The following RAP1GAP variants were observed in gnomAD, a reference collection of about 807,000 sequenced individuals.
The protein encoded by RAP1GAP is rap1 GTPase-activating protein 1.
RAP1GAP carries 35 observed loss-of-function variants against 87.2 expected under a neutral mutation model. The ratio of observed to expected loss-of-function variants is 0.40; its 90% CI spans 0.31 to 0.53. The LOEUF (loss-of-function observed/expected upper bound fraction) is 0.53. RAP1GAP is among the 20% of genes least tolerant of loss of function. RAP1GAP has a pLI of 0.48. For synonymous variants in RAP1GAP, 375 were observed against 363.9 expected (o/e 1.03, Z -0.35); for missense variants, 734 against 898.9 (o/e 0.82, Z 2.35).
chr1:21,618,009 G>C (rs982146279), intron 5 of RAP1GAP, 37 bp from the exon 6 acceptor site: 3 of 1,613,774 alleles, frequency 1.9e-6, no homozygotes, highest in Non-Finnish European at 2.5e-6. Context: ...CTCTCCATCT[G>C]TCCATCCTCC....
chr1:21,619,920 A>C lies in RAP1GAP; in HGVS notation c.18+95T>G, dbSNP rs2085604717. On this transcript the variant is annotated intron_variant, in intron 4 of 24. Coordinates refer to ENST00000374765, the MANE Select transcript of RAP1GAP (RefSeq NM_002885.4). ...TCTTCTACTGGCGTGGCCTGTCCTC[A>C]GGGAGGTGAAGGGCTGGAGATGCAG... is the stretch of plus-strand genomic sequence containing the variant. 5.9e-6 allele frequency: 8 copies of C among 1,356,226 alleles called. No homozygotes were observed. In the South Asian group the frequency reaches 8.3e-5, roughly 14 times the overall value. The allele number at this position is 1,356,226 out of a possible 1,614,324, so 84.0% of individuals were successfully genotyped here.
At chr1:21,623,942 G>A (rs748702467) in intron 3 of RAP1GAP, among the ~76,000 whole-genome samples, 3 of 152,208 alleles carry the variant, frequency 2.0e-5, no homozygotes, top group Non-Finnish European at 4.4e-5. Context: ...CTCCACGACC[G>A]GATGTGGCTG....
intron 2 of RAP1GAP, among the ~76,000 whole-genome samples, chr1:21,646,675 C>T (rs961618603): frequency 2.6e-5 from 4 of 152,238 alleles, no homozygotes; most frequent in African/African-American, 9.6e-5. Context: ...CACAAGTCCA[C>T]TTGACCATTC....
At chr1:21,608,503 G>A (rs1481107147) in intron 16 of RAP1GAP, among the ~76,000 whole-genome samples, 153 bp from the exon 17 acceptor site, 2 of 150,766 alleles carry the variant, frequency 1.3e-5, no homozygotes, top group Non-Finnish European at 3.0e-5. Flanking sequence ...CCTTCCCCCA[G>A]GCCACTCCAC....
chr1:21,604,274 G>A (rs1023372212), intron 18 of RAP1GAP, among the ~76,000 whole-genome samples: 5 of 151,952 alleles, frequency 3.3e-5, no homozygotes, highest in Non-Finnish European at 7.4e-5. Flanking sequence ...GACAGAGAAG[G>A]AAGCCAGGGG....
intron 4 of RAP1GAP, among the ~76,000 whole-genome samples, chr1:21,619,752 T>C (rs1015478358): frequency 1.7e-4 from 26 of 151,914 alleles, no homozygotes; most frequent in African/African-American, 4.3e-4. Context: ...GTGGGGTGGG[T>C]TGATGAACTG....
intron 10 of RAP1GAP, among the ~76,000 whole-genome samples, chr1:21,612,639 C>T (rs2079104843): frequency 6.6e-6 from 1 of 152,212 alleles, no homozygotes; most frequent in South Asian, 2.1e-4. Flanking sequence ...CCACCTCACA[C>T]TGCTCCAGAA....
intron 1 of RAP1GAP, among the ~76,000 whole-genome samples, chr1:21,653,594 C>CCTTCTTTCCTTCCTT (rs1558897559): frequency 2.5e-5 from 2 of 81,088 alleles, no homozygotes; most frequent in Non-Finnish European, 2.9e-5. Flanking sequence ...CTTCCTTCCT[C>CCTTCTTTCCTTCCTT]CCTCCCTCCC....
intron 18 of RAP1GAP, among the ~76,000 whole-genome samples, chr1:21,605,799 C>T (rs766199370): frequency 5.9e-5 from 9 of 152,274 alleles, no homozygotes; most frequent in African/African-American, 2.2e-4. Context: ...GGAAGTCACA[C>T]CTCAATGCAT....
In RAP1GAP at chr1:21,596,831, A is replaced by C. The variant is rs1645396307; in HGVS notation, c.*468T>G. On this transcript the variant is annotated 3_prime_UTR_variant, in exon 25 of 25. Coordinates refer to ENST00000374765, the MANE Select transcript of RAP1GAP (RefSeq NM_002885.4). ...AGTCACACAGCAGAACCCAAATTGG[A>C]AACCAGGACCCGGCTCCCAACCCAG... is the stretch of plus-strand genomic sequence containing the variant. 6.6e-6 allele frequency: 1 copy of C among 152,342 alleles called. No homozygotes were observed. The highest frequency in any genetic ancestry group is 1.5e-5 in the Non-Finnish European group (1 of 68,152). 9.4% of individuals were successfully genotyped at this position (152,342 alleles called of 1,614,324 possible).
At chr1:21,625,125 C>A (rs531881059) in intron 3 of RAP1GAP, among the ~76,000 whole-genome samples, 11 of 152,340 alleles carry the variant, frequency 7.2e-5, no homozygotes, top group Non-Finnish European at 1.2e-4. Flanking sequence ...CTGCTCCCAG[C>A]AGCCCCACGT....
chr1:21,631,740 C>T (rs1317042494), intron 2 of RAP1GAP, among the ~76,000 whole-genome samples: 1 of 152,160 alleles, frequency 6.6e-6, no homozygotes, highest in Non-Finnish European at 1.5e-5. Flanking sequence ...GAGATATAAA[C>T]CTTTTTTCCA....
rs1426596270 is a variant in RAP1GAP at position 21,599,506 on chromosome 1, C to T, written c.1764G>A (p.Glu588=). 4 of 1,609,078 alleles carry T rather than the reference C, an allele frequency of 2.5e-6. No individual in the cohort carries two copies. The highest frequency in any genetic ancestry group is 8.5e-7 in the Non-Finnish European group (1 of 1,179,922). ...CTGAGCCTCTCACCAGGCCTGTGTC[C>T]TCTCCGTCCACACCCTCCGTCTCCT... is the stretch of plus-strand genomic sequence containing the variant. ...VVEETEGVDG[E]DTGLESVSSS... Residue 588 remains glutamate, a synonymous_variant, in exon 21 of 25, where the codon GAG becomes GAA. Coordinates refer to ENST00000374765, the MANE Select transcript of RAP1GAP (RefSeq NM_002885.4).
chr1:21,648,913 G>A (rs143076287), intron 2 of RAP1GAP, among the ~76,000 whole-genome samples: 1 of 152,194 alleles, frequency 6.6e-6, no homozygotes, highest in East Asian at 1.9e-4. Context: ...CTGCGGGGAC[G>A]ATGGTGCCAG....
chr1:21,608,312 C>A lies in RAP1GAP; in HGVS notation c.1197G>T (p.Glu399Asp). The A allele has an allele frequency of 6.2e-7, 1 of 1,613,938 alleles. No individual in the cohort carries two copies. The highest frequency in any genetic ancestry group is 8.5e-7 in the Non-Finnish European group (1 of 1,179,934). The change falls in exon 17 of 25, where the codon GAG (glutamate) becomes GAT (aspartate). Residue 399 changes from glutamate to aspartate, a missense_variant. Transcript: ENST00000374765. Reference sequence around the variant, plus strand: ...TGGACTGGCTGTGGATGTGTAGTTCCTCATAGAGCGTCTCCAGGAGGGCGG... The same window carrying A: ...TGGACTGGCTGTGGATGTGTAGTTCATCATAGAGCGTCTCCAGGAGGGCGG... ...TRAALLETLY[E>D]ELHIHSQSMM...
At position 21,599,609 on chromosome 1, in the gene RAP1GAP, G is replaced by A. The variant is rs1281842900; in HGVS notation, c.1661C>T (p.Thr554Ile). The A allele has an allele frequency of 1.9e-6, 3 of 1,605,526 alleles. No individual in the cohort carries two copies. The highest frequency in any genetic ancestry group is 2.7e-5 in the African/African-American group (2 of 74,886). Residue 554 changes from threonine to isoleucine, a missense_variant, in exon 21 of 25, where the codon ACC (threonine) becomes ATC (isoleucine). Coordinates refer to ENST00000374765, the MANE Select transcript of RAP1GAP (RefSeq NM_002885.4). ...EMPTTKNRAE[T>I]AAQRAEALKD... ...GAGCGCCTCTGCTCTCTGCGCTGCG[G>A]TCTCCGCTCTGCCACAGACAGTGCC...
chr1:21,599,737 G>A lies in RAP1GAP; in HGVS notation c.1653-120C>T, dbSNP rs374825124. On this transcript the variant is annotated intron_variant, in intron 20 of 24. Coordinates refer to ENST00000374765, the MANE Select transcript of RAP1GAP (RefSeq NM_002885.4). ...GCTGGTAGCAGCCAAGCACCTTTGA[G>A]GACCCCTTACAGATCCTTGGGCCTC... 598 of 1,386,718 alleles carry A rather than the reference G, an allele frequency of 4.3e-4. 3 individuals are homozygous for A. In the African/African-American group the frequency reaches 7.5e-3, roughly 17 times the overall value. The allele number at this position is 1,386,718 out of a possible 1,614,324, so 85.9% of individuals were successfully genotyped here.
chr1:21,652,003 C>G (rs971673682), intron 1 of RAP1GAP: 2 of 322,782 alleles, frequency 6.2e-6, no homozygotes, highest in African/African-American at 4.5e-5. Flanking sequence ...CGCTTGTTCG[C>G]GCCGCCCTGG....
intron 1 of RAP1GAP, among the ~76,000 whole-genome samples, chr1:21,662,769 C>T (rs1016776800): frequency 2.6e-5 from 4 of 152,136 alleles, no homozygotes; most frequent in African/African-American, 9.7e-5. Context: ...AGTAGAGTCA[C>T]ACAACCCTCA....
Sources: allele counts gnomAD v4.1 joint callset (sites outside exome capture counted in the v4.1 genomes callset), GRCh38; gene constraint gnomAD v4.1.1; transcripts MANE v1.5; gene names NCBI Gene and HGNC (gene_info 2026-07-23, HGNC 2026-07-21).